The following MYO3A variants were observed in gnomAD, a reference collection of about 807,000 sequenced individuals.
The protein encoded by MYO3A is myosin IIIA.
A neutral mutation model predicts 192.7 loss-of-function variants in MYO3A; 180 were observed. That is an observed-to-expected ratio of 0.93 (90% confidence interval 0.83 to 1.06). MYO3A has a LOEUF of 1.06. MYO3A is among the 50% of genes least tolerant of loss of function. The pLI is 0.00. For synonymous variants in MYO3A, 628 were observed against 645.3 expected (o/e 0.97, Z 0.41); for missense variants, 1,896 against 1,905.0 (o/e 1.00, Z 0.09).
At position 25,978,419 on chromosome 10, in the gene MYO3A, G is replaced by A. The variant is rs1339818; in HGVS notation, c.304-18071G>A. Reference sequence around the variant, plus strand: ...GATGGCAGTAGGCAAAGAGAGGAGCGCTTGTGCAGGGAAACACCCCTTTCT... The same window carrying A: ...GATGGCAGTAGGCAAAGAGAGGAGCACTTGTGCAGGGAAACACCCCTTTCT... On this transcript the variant is annotated intron_variant, in intron 4 of 34. Coordinates refer to ENST00000642920, the MANE Select transcript of MYO3A (RefSeq NM_017433.5). Among the ~76,000 whole-genome samples, 1,182 of 152,260 alleles carry A rather than the reference G, an allele frequency of 7.8e-3. 67 individuals are homozygous for A. The highest frequency in any genetic ancestry group is 0.07 in the Admixed American group (1,074 of 15,286).
At chr10:26,024,240 A>G (rs1455647490) in intron 9 of MYO3A, among the ~76,000 whole-genome samples, 153 bp downstream of exon 9, 1 of 152,146 alleles carries the variant, frequency 6.6e-6, no homozygotes, top group Admixed American at 6.5e-5. Context: ...TGTTGGGTGA[A>G]TTTATCATTG....
intron 2 of MYO3A, among the ~76,000 whole-genome samples, chr10:25,948,334 C>G (rs190460689): frequency 6.6e-6 from 1 of 152,092 alleles, no homozygotes; most frequent in East Asian, 1.9e-4. Context: ...TTATGATCAA[C>G]TTTTCTATCT....
intron 18 of MYO3A, among the ~76,000 whole-genome samples, chr10:26,122,857 C>T (rs1367463383): frequency 4.6e-5 from 7 of 152,042 alleles, no homozygotes; most frequent in Non-Finnish European, 8.8e-5. Flanking sequence ...GGTAAAATGC[C>T]TAGCATGTAG....
chr10:25,993,307 A>G (rs923720037), intron 4 of MYO3A, among the ~76,000 whole-genome samples: 1 of 152,142 alleles, frequency 6.6e-6, no homozygotes, highest in Admixed American at 6.5e-5. Context: ...AGAGGTGTTT[A>G]TAGTATTCTC....
intron 2 of MYO3A, among the ~76,000 whole-genome samples, chr10:25,949,798 G>A (rs191972118): frequency 2.6e-5 from 4 of 151,778 alleles, no homozygotes; most frequent in East Asian, 3.9e-4. Flanking sequence ...AGTATTTTTC[G>A]AAGAACCCTA....
chr10:26,146,891 T>C (rs1000443458), intron 22 of MYO3A, among the ~76,000 whole-genome samples: 1 of 152,166 alleles, frequency 6.6e-6, no homozygotes, highest in African/African-American at 2.4e-5. Flanking sequence ...GGTAGGAGGA[T>C]CACTGGAGCT....
At chr10:26,123,640 CT>C in intron 18 of MYO3A, among the ~76,000 whole-genome samples, 1 of 152,062 alleles carries the variant, frequency 6.6e-6, no homozygotes, top group Non-Finnish European at 1.5e-5. Context: ...TATCAAAAAA[CT>C]TTCAGCCAGG....
At chr10:26,112,640 T>C (rs1838261098) in intron 17 of MYO3A, among the ~76,000 whole-genome samples, 1 of 152,164 alleles carries the variant, frequency 6.6e-6, no homozygotes, top group East Asian at 1.9e-4. Flanking sequence ...CTCTCTCTCA[T>C]TGGTGTTGAC....
intron 6 of MYO3A, among the ~76,000 whole-genome samples, chr10:26,003,107 T>A (rs534254451): frequency 6.6e-6 from 1 of 152,154 alleles, no homozygotes; most frequent in Non-Finnish European, 1.5e-5. Context: ...AACCTGCACA[T>A]CTACAAGTGT....
intron 26 of MYO3A, among the ~76,000 whole-genome samples, chr10:26,160,233 A>G (rs1434742875): frequency 6.6e-6 from 1 of 152,172 alleles, no homozygotes; most frequent in Non-Finnish European, 1.5e-5. Context: ...TTGATCTTCA[A>G]TATTGGACAG....
rs537410539 is a variant in MYO3A, at chr10:25,992,173, G to A, written c.304-4317G>A. On this transcript the variant is annotated intron_variant, in intron 4 of 34. Coordinates refer to ENST00000642920, the MANE Select transcript of MYO3A (RefSeq NM_017433.5). Reference sequence around the variant, plus strand: ...ATGGAATGGTCTTCCATTTGTTTGCGTCCTCTTTTGTTTCACTGAGCAGTG... The same window carrying A: ...ATGGAATGGTCTTCCATTTGTTTGCATCCTCTTTTGTTTCACTGAGCAGTG... Among the ~76,000 whole-genome samples the A allele has an allele frequency of 8.2e-4, 125 of 152,176 alleles. 1 individual carries two copies. The highest frequency in any genetic ancestry group is 2.5e-3 in the African/African-American group (105 of 41,510).
intron 20 of MYO3A, among the ~76,000 whole-genome samples, chr10:26,130,424 G>C (rs1346263349): frequency 2.6e-5 from 4 of 152,118 alleles, no homozygotes; most frequent in East Asian, 3.9e-4. Flanking sequence ...AAGTTGCTTT[G>C]ATTGCTGGCC....
chr10:26,088,344 G>A lies in MYO3A; in HGVS notation c.1501G>A (p.Val501Ile), dbSNP rs1480731161. The change falls in exon 15 of 35, where the codon GTA (valine) becomes ATA (isoleucine). Residue 501 changes from valine to isoleucine, a missense_variant. Val to Ile is a conservative substitution (Grantham distance 29). Transcript: ENST00000642920. ...LEMKFTSSGA[V>I]VGAQISEYLL... ...AATGAAATTCACCTCTTCTGGAGCG[G>A]TAGTGGGAGCACAGATTTCTGAATA... The A allele has an allele frequency of 3.7e-6, 6 of 1,613,964 alleles. No individual in the cohort carries two copies. Among genetic ancestry groups the A allele is most frequent in the Non-Finnish European group, 5.1e-6 (6 of 1,179,914 alleles).
At chr10:26,178,829 T>C (rs1465595210) in intron 31 of MYO3A, among the ~76,000 whole-genome samples, 3 of 151,634 alleles carry the variant, frequency 2.0e-5, no homozygotes, top group Non-Finnish European at 4.4e-5. Context: ...TGAGACAGAG[T>C]CTTGCTCTGT....
At chr10:25,995,155 C>T (rs1320525602) in intron 4 of MYO3A, among the ~76,000 whole-genome samples, 6 of 152,206 alleles carry the variant, frequency 3.9e-5, no homozygotes, top group East Asian at 1.9e-4. Context: ...ACCAATCAGA[C>T]GTAGATTTGG....
Position 26,168,790 on chromosome 10 carries a change from G to A in MYO3A, c.3190G>A (p.Ala1064Thr), listed in dbSNP as rs149468017. The A allele has an allele frequency of 1.3e-4, 207 of 1,613,298 alleles. No individual in the cohort carries two copies. Among genetic ancestry groups the A allele is most frequent in the Non-Finnish European group, 1.7e-4 (201 of 1,179,732 alleles). The change falls in exon 28 of 35, where the codon GCT becomes ACT. Residue 1064 changes from alanine to threonine, a missense_variant. Transcript: ENST00000642920. ...TATTGACAAGCTTATTTTGATTCAAGCTTGTGTCAGAGCATTCTTGTGTTC... is the reference window on the plus strand; with the variant it reads ...TATTGACAAGCTTATTTTGATTCAAACTTGTGTCAGAGCATTCTTGTGTTC... Reference protein sequence around the residue: ...EAIDKLILIQACVRAFLCSRR... With the variant: ...EAIDKLILIQTCVRAFLCSRR...
At chr10:25,971,640 T>C (rs553355509) in intron 4 of MYO3A, among the ~76,000 whole-genome samples, 2 of 152,340 alleles carry the variant, frequency 1.3e-5, no homozygotes, top group African/African-American at 4.8e-5. Context: ...AGGTATTTTT[T>C]CCTTTAGCAC....
chr10:26,206,056 TGAGTGCA>T (rs1843919392), intron 34 of MYO3A, among the ~76,000 whole-genome samples: 1 of 150,862 alleles, frequency 6.6e-6, no homozygotes, highest in Non-Finnish European at 1.5e-5. Context: ...AATGAACATC[TGAGTGCA>T]GATTTTTTTT....
intron 32 of MYO3A, among the ~76,000 whole-genome samples, chr10:26,193,750 C>T (rs1843266969): frequency 1.3e-5 from 2 of 152,204 alleles, no homozygotes; most frequent in African/African-American, 4.8e-5. Flanking sequence ...GGCTTGTTCA[C>T]ATCCACTGTG....
Sources: allele counts gnomAD v4.1 joint callset (sites outside exome capture counted in the v4.1 genomes callset), GRCh38; gene constraint gnomAD v4.1.1; transcripts MANE v1.5; gene names NCBI Gene and HGNC (gene_info 2026-07-23, HGNC 2026-07-21).